The following EPRS1 variants were observed in gnomAD, a reference collection of about 807,000 sequenced individuals.
EPRS1 encodes glutamyl-prolyl-tRNA synthetase 1.
A neutral mutation model predicts 188.3 loss-of-function variants in EPRS1; 107 were observed. The ratio of observed to expected loss-of-function variants is 0.57; its 90% CI spans 0.49 to 0.67. EPRS1 has a LOEUF of 0.67. EPRS1 is among the 30% of genes least tolerant of loss of function. The pLI, the probability that EPRS1 is intolerant of heterozygous loss-of-function variation, is 0.00. For missense variants in EPRS1, 1,577 were observed against 1,802.2 expected (o/e 0.88, Z 2.26); for synonymous variants, 596 against 593.1 (o/e 1.00, Z -0.07).
intron 18 of EPRS1, among the ~76,000 whole-genome samples, chr1:219,992,937 C>G (rs1182448864): frequency 6.7e-6 from 1 of 150,164 alleles, no homozygotes; most frequent in Non-Finnish European, 1.5e-5. Flanking sequence ...AATTCATTTA[C>G]AAAGAACAGG....
rs1280449061 is a variant in EPRS1 at position 220,040,827 on chromosome 1, G to A, written c.47-558C>T. ...ATTGAGCCATTGCACTCCAGCCTAG[G>A]TGACAAGAGCAAAACTGCGTCTTAA... On this transcript the variant is annotated intron_variant, in intron 1 of 31. Transcript: ENST00000366923. 2.7e-5 allele frequency among the ~76,000 whole-genome samples: 4 copies of A among 147,826 alleles called. No homozygotes were observed. In the East Asian group the frequency reaches 5.9e-4, roughly 22 times the overall value.
At chr1:220,030,183 T>C (rs540040939) in intron 6 of EPRS1, among the ~76,000 whole-genome samples, 1 of 152,342 alleles carries the variant, frequency 6.6e-6, no homozygotes, top group South Asian at 2.1e-4. Flanking sequence ...TTTACTAAGT[T>C]GACAAACTAA....
At chr1:219,970,146 T>C (rs1660637492) in intron 30 of EPRS1, among the ~76,000 whole-genome samples, 1 of 152,152 alleles carries the variant, frequency 6.6e-6, no homozygotes, top group Admixed American at 6.5e-5. Context: ...TTTCTCCCAG[T>C]TGTGAATGCT....
chr1:219,982,435 T>G, intron 23 of EPRS1: 1 of 172,298 alleles, frequency 5.8e-6, no homozygotes, highest in South Asian at 1.9e-4. Flanking sequence ...TAAAAATAAT[T>G]ATGGCATAAA....
intron 29 of EPRS1, among the ~76,000 whole-genome samples, chr1:219,972,677 G>A (rs1660691954): frequency 6.6e-6 from 1 of 152,132 alleles, no homozygotes; most frequent in Non-Finnish European, 1.5e-5. Context: ...TAATCTTCTG[G>A]TGCCTCTGCC....
At chr1:220,035,070 T>A (rs929557993) in intron 2 of EPRS1, 57 bp from the exon 3 acceptor site, 2 of 805,236 alleles carry the variant, frequency 2.5e-6, no homozygotes, top group African/African-American at 3.5e-5. Context: ...CAGTAAGTCA[T>A]GAGACTTATG....
chr1:220,038,003 G>C (rs1662219869), intron 2 of EPRS1, among the ~76,000 whole-genome samples: 1 of 151,980 alleles, frequency 6.6e-6, no homozygotes, highest in Non-Finnish European at 1.5e-5. Flanking sequence ...GAGAAAGGGG[G>C]AGATAGAGAG....
chr1:219,987,061 A>C, intron 20 of EPRS1, 81 bp downstream of exon 20: 1 of 1,429,102 alleles, frequency 7.0e-7, no homozygotes, highest in East Asian at 2.3e-5. Context: ...TGGTTAAACC[A>C]GTCAAAATTT....
intron 25 of EPRS1, 79 bp downstream of exon 25, chr1:219,980,673 TTACA>T (rs569989919): frequency 1.5e-4 from 132 of 898,030 alleles, no homozygotes; most frequent in Middle Eastern, 9.0e-4. Flanking sequence ...TTAACAGGTG[TTACA>T]TACATTTTAA....
intron 6 of EPRS1, among the ~76,000 whole-genome samples, chr1:220,026,706 AT>A (rs1661979223): frequency 6.6e-6 from 1 of 151,150 alleles, no homozygotes; most frequent in Non-Finnish European, 1.5e-5. Flanking sequence ...AATTTTTTGT[AT>A]TTTTAGTAGA....
At chr1:219,998,609 C>A (rs577466921) in intron 17 of EPRS1, among the ~76,000 whole-genome samples, 3 of 145,924 alleles carry the variant, frequency 2.1e-5, no homozygotes, top group African/African-American at 7.7e-5. Context: ...GTGGTGTGAT[C>A]TCAGCTCACT....
intron 12 of EPRS1, among the ~76,000 whole-genome samples, chr1:220,011,727 A>G (rs1424801613): frequency 6.6e-6 from 1 of 152,218 alleles, no homozygotes. Context: ...CATACACATT[A>G]TGCTCTAACC....
Position 219,978,593 on chromosome 1 carries a change from G to A in EPRS1, c.4036C>T (p.Arg1346Ter). The A allele has an allele frequency of 2.5e-6, 4 of 1,595,150 alleles. No homozygotes were observed. The highest frequency in any genetic ancestry group is 3.4e-6 in the Non-Finnish European group (4 of 1,169,412). Residue 1346 changes from arginine to a stop codon, truncating the protein, a stop_gained, in exon 28 of 32, where the codon CGA (arginine) becomes TGA (stop). Coordinates refer to ENST00000366923, the MANE Select transcript of EPRS1 (RefSeq NM_004446.3). LOFTEE classifies it high-confidence loss of function. ...SVNIRVRADL[R>*]DNYSPGWKFN... ...TTCCAACCTGGAGAATAATTATCTC[G>A]TAAATCAGCTCTAACGCGGATGTTA...
At chr1:219,986,800 T>TGTGTGTGC (rs1316472934) in intron 20 of EPRS1, among the ~76,000 whole-genome samples, 2 of 151,866 alleles carry the variant, frequency 1.3e-5, no homozygotes, top group Non-Finnish European at 2.9e-5. Context: ...TGTGTGTGTG[T>TGTGTGTGC]GTGTGTATCT....
At chr1:220,021,342 C>T (rs1661874758) in intron 9 of EPRS1, among the ~76,000 whole-genome samples, 1 of 151,994 alleles carries the variant, frequency 6.6e-6, no homozygotes, top group Admixed American at 6.6e-5. Flanking sequence ...AAGCGTGCCA[C>T]CATACCTGGC....
intron 2 of EPRS1, among the ~76,000 whole-genome samples, chr1:220,036,058 G>C (rs1174952175): frequency 1.3e-5 from 2 of 152,044 alleles, no homozygotes; most frequent in African/African-American, 4.8e-5. Flanking sequence ...AAATTAGCCG[G>C]GTGTGGTGGT....
At chr1:220,001,333 T>C in intron 16 of EPRS1, 78 bp from the exon 17 acceptor site, 1 of 829,100 alleles carries the variant, frequency 1.2e-6, no homozygotes, top group Non-Finnish European at 2.1e-6. Context: ...AATTCCTAGA[T>C]AAATTCAATG....
At chr1:220,004,931 T>C (rs1420564547) in intron 16 of EPRS1, among the ~76,000 whole-genome samples, 1 of 152,126 alleles carries the variant, frequency 6.6e-6, no homozygotes, top group Non-Finnish European at 1.5e-5. Context: ...AAAAAGATAA[T>C]GGTAATAATT....
chr1:220,023,343 G>A (rs1661912612), intron 8 of EPRS1, among the ~76,000 whole-genome samples: 1 of 152,154 alleles, frequency 6.6e-6, no homozygotes. Context: ...CTCTGAAAAT[G>A]TAGAAAACCT....
Sources: allele counts gnomAD v4.1 joint callset (sites outside exome capture counted in the v4.1 genomes callset), GRCh38; gene constraint gnomAD v4.1.1; transcripts MANE v1.5; gene names NCBI Gene and HGNC (gene_info 2026-07-23, HGNC 2026-07-21).